The following COPG2 variants were observed in gnomAD, a reference collection of about 807,000 sequenced individuals.
COPG2 encodes the protein coatomer subunit gamma-2.
Under a neutral mutation model 46.3 loss-of-function variants are expected in COPG2, and 37 were observed. The observed-to-expected ratio is 0.80, with a 90% CI of 0.61 to 1.05. The LOEUF (loss-of-function observed/expected upper bound fraction) is 1.05. Among genes scored for constraint, COPG2 ranks in the 50% least tolerant of loss-of-function variants. COPG2 has a pLI of 0.00. For synonymous variants in COPG2, 159 were observed against 129.7 expected (o/e 1.23, Z -1.53); for missense variants, 427 against 387.8 (o/e 1.10, Z -0.85).
chr7:130,539,897 C>T (rs996985371), intron 20 of COPG2, among the ~76,000 whole-genome samples: 8 of 151,962 alleles, frequency 5.3e-5, no homozygotes, highest in South Asian at 2.1e-4. Context: ...CTGCAAGGTT[C>T]GGCAGGGGAA....
At chr7:130,605,711 C>T (rs782625720) in intron 9 of COPG2, 13 of 519,064 alleles carry the variant, frequency 2.5e-5, no homozygotes, top group South Asian at 8.4e-5. Flanking sequence ...ATTTGGCCAA[C>T]GACTTAAATG....
chr7:130,564,492 ATGG>A (rs1201942757), intron 9 of COPG2, 99 bp from the exon 10 acceptor site: 31 of 397,678 alleles, frequency 7.8e-5, no homozygotes, highest in Non-Finnish European at 1.2e-4. Context: ...CACTTCTGGA[ATGG>A]TGGATGAGGG....
At chr7:130,577,942 G>A (rs1345821818) in intron 9 of COPG2, among the ~76,000 whole-genome samples, 1 of 152,162 alleles carries the variant, frequency 6.6e-6, no homozygotes, top group Non-Finnish European at 1.5e-5. Flanking sequence ...CCATTGCCCA[G>A]GCTTGCTTAG....
intron 9 of COPG2, among the ~76,000 whole-genome samples, chr7:130,587,881 T>C (rs1554448258): frequency 6.6e-6 from 1 of 152,096 alleles, no homozygotes; most frequent in Non-Finnish European, 1.5e-5. Context: ...AGAAAATTTT[T>C]GCAACCTACT....
chr7:130,668,714 C>A lies in COPG2; in HGVS notation c.-46G>T, dbSNP rs369903425. ...CCAGACCCACCGCAACCGTCCCAGGCGCCGCAGCCGGCGAGCGGAAGAGGC... is the reference window on the plus strand; with the variant it reads ...CCAGACCCACCGCAACCGTCCCAGGAGCCGCAGCCGGCGAGCGGAAGAGGC... On this transcript the variant is annotated 5_prime_UTR_variant, in exon 1 of 24. Coordinates refer to ENST00000425248, the MANE Select transcript of COPG2 (RefSeq NM_012133.6). 23 of 1,508,826 alleles carry A rather than the reference C, an allele frequency of 1.5e-5. No individual in the cohort carries two copies. The highest frequency in any genetic ancestry group is 2.9e-5 in the East Asian group (1 of 34,904). The allele number at this position is 1,508,826 out of a possible 1,614,324, so 93.5% of individuals were successfully genotyped here. A position where few individuals can be genotyped will look rare whatever the true frequency, so the allele number is the denominator to read the frequency against.
intron 12 of COPG2, among the ~76,000 whole-genome samples, chr7:130,556,188 G>A (rs1423008394): frequency 9.9e-5 from 15 of 152,186 alleles, no homozygotes; most frequent in Non-Finnish European, 1.5e-4. Context: ...CCTTTTTTCC[G>A]AAGGAAAACA....
intron 4 of COPG2, among the ~76,000 whole-genome samples, chr7:130,659,959 C>T (rs1399272954): frequency 1.3e-5 from 2 of 152,094 alleles, no homozygotes; most frequent in Admixed American, 1.3e-4. Context: ...TTAAGACACA[C>T]AAAAATGCAA....
At chr7:130,579,266 A>C in intron 9 of COPG2, among the ~76,000 whole-genome samples, 1 of 148,736 alleles carries the variant, frequency 6.7e-6, no homozygotes, top group East Asian at 2.0e-4. Context: ...TAAGTGAAGA[A>C]GAAATAAAAT....
Position 130,508,668 on chromosome 7 carries a change from G to T in COPG2, c.2150-9C>A, listed in dbSNP as rs1412739599. Reference sequence around the variant, plus strand: ...GCTAAAGGAGCCTGCAACTGGAGGAGAAGGGAGGCAAACCTGCATCAGTGG... The same window carrying T: ...GCTAAAGGAGCCTGCAACTGGAGGATAAGGGAGGCAAACCTGCATCAGTGG... On this transcript the variant is annotated splice_polypyrimidine_tract_variant and intron_variant, in intron 20 of 23. Transcript: ENST00000425248. The T allele has an allele frequency of 1.3e-6, 1 of 750,614 alleles. No individual in the cohort carries two copies. The allele number at this position is 750,614 out of a possible 1,614,324, so 46.5% of individuals were successfully genotyped here. A position where few individuals can be genotyped will look rare whatever the true frequency, so the allele number is the denominator to read the frequency against.
At chr7:130,661,132 G>A (rs1795969652) in intron 4 of COPG2, among the ~76,000 whole-genome samples, 1 of 152,160 alleles carries the variant, frequency 6.6e-6, no homozygotes, top group Admixed American at 6.5e-5. Flanking sequence ...TAGTCCTATC[G>A]AACAATCCTA....
intron 5 of COPG2, among the ~76,000 whole-genome samples, chr7:130,618,776 T>C (rs1461202677): frequency 2.0e-5 from 3 of 152,200 alleles, no homozygotes; most frequent in Admixed American, 6.5e-5. Context: ...TTTTGGCTTA[T>C]GTACTTTGGT....
chr7:130,626,750 A>G (rs1341862836), intron 5 of COPG2, among the ~76,000 whole-genome samples: 1 of 152,066 alleles, frequency 6.6e-6, no homozygotes, highest in Non-Finnish European at 1.5e-5. Context: ...TTGACACCTG[A>G]TTGCCAAAAG....
chr7:130,600,563 C>T (rs903314172), intron 9 of COPG2, among the ~76,000 whole-genome samples: 1 of 152,036 alleles, frequency 6.6e-6, no homozygotes, highest in Non-Finnish European at 1.5e-5. Context: ...ATGCCTGGCC[C>T]ATTTTGTCAT....
chr7:130,532,722 A>T (rs1157199631), intron 20 of COPG2, among the ~76,000 whole-genome samples: 1 of 152,128 alleles, frequency 6.6e-6, no homozygotes, highest in Non-Finnish European at 1.5e-5. Context: ...TCTGGGAGTC[A>T]GGGTTGTGGT....
chr7:130,517,497 G>A (rs1201694791), intron 20 of COPG2, among the ~76,000 whole-genome samples: 1 of 152,192 alleles, frequency 6.6e-6, no homozygotes, highest in Non-Finnish European at 1.5e-5. Context: ...TAAAAACTTG[G>A]TTAATAAGAA....
At chr7:130,536,062 A>G (rs1799876891) in intron 20 of COPG2, among the ~76,000 whole-genome samples, 1 of 152,094 alleles carries the variant, frequency 6.6e-6, no homozygotes. Flanking sequence ...GGCCAAAGGT[A>G]TTAACTGAGT....
chr7:130,601,339 TTCTAC>T (rs1351736859), intron 9 of COPG2, among the ~76,000 whole-genome samples: 1 of 152,222 alleles, frequency 6.6e-6, no homozygotes, highest in Non-Finnish European at 1.5e-5. Context: ...TTATAAATCA[TTCTAC>T]TCTAAAGACA....
Position 130,666,846 on chromosome 7 carries a change from T to C in COPG2, c.171+3A>G, listed in dbSNP as rs782407450. ...TTATCTGAGGAAAATAAAAATAATA[T>C]ACCTGGTTCAGTAAGTAAAGAATCT... On this transcript the variant is annotated splice_donor_region_variant and intron_variant, in intron 3 of 23. Transcript: ENST00000425248. 1 of 1,357,214 alleles carries C rather than the reference T, an allele frequency of 7.4e-7. No homozygotes were observed. Among genetic ancestry groups the C allele is most frequent in the Non-Finnish European group, 1.0e-6 (1 of 963,386 alleles). 84.1% of individuals were successfully genotyped at this position (1,357,214 alleles called of 1,614,324 possible).
At chr7:130,620,972 T>A (rs947135494) in intron 5 of COPG2, among the ~76,000 whole-genome samples, 22 of 152,352 alleles carry the variant, frequency 1.4e-4, no homozygotes, top group Admixed American at 1.3e-3. Context: ...ACTTTGCAGA[T>A]GTGATTAAGT....
Sources: gnomAD v4.1 joint callset for allele counts (sites outside exome capture counted in the v4.1 genomes callset) on GRCh38, gnomAD v4.1.1 for gene constraint, MANE v1.5 for transcripts, NCBI Gene and HGNC (gene_info 2026-07-23, HGNC 2026-07-21) for gene names.